The following TENM1 variants were observed in gnomAD, a reference collection of about 807,000 sequenced individuals.
TENM1 encodes teneurin transmembrane protein 1.
Under a neutral mutation model 174.8 loss-of-function variants are expected in TENM1, and 35 were observed. The observed-to-expected ratio is 0.20, with a 90% CI of 0.15 to 0.27. TENM1 has a LOEUF of 0.27. Ranked by LOEUF, TENM1 falls within the 10% of genes least tolerant of loss-of-function variation. The pLI is 1.00. For missense variants in TENM1, 1,633 were observed against 2,130.1 expected (o/e 0.77, Z 4.59); for synonymous variants, 781 against 798.7 (o/e 0.98, Z 0.37).
At chrX:124,629,322 T>C (rs918932074) in intron 11 of TENM1, among the ~76,000 whole-genome samples, 4 of 112,255 alleles carry the variant, frequency 3.6e-5, no homozygotes, top group Non-Finnish European at 7.5e-5. Flanking sequence ...ACAATACCAT[T>C]TGGATAGTGA....
intron 3 of TENM1, among the ~76,000 whole-genome samples, chrX:124,856,574 G>A (rs2056818934): frequency 2.7e-5 from 3 of 111,456 alleles, no homozygotes; most frequent in African/African-American, 9.7e-5. Context: ...AACTATACCA[G>A]TAATTATTCT....
chrX:124,577,850 C>T (rs909250666), intron 11 of TENM1, among the ~76,000 whole-genome samples: 5 of 111,779 alleles, frequency 4.5e-5, no homozygotes, highest in African/African-American at 9.8e-5. Context: ...GCTAAGCCAC[C>T]GGCACCTTTA....
At chrX:125,059,047 C>T in the TENM1 span, among the ~76,000 whole-genome samples, 1 of 109,859 alleles carries the variant, frequency 9.1e-6, no homozygotes. Context: ...CTTCTCCTTT[C>T]CTGCTCTCTT....
intron 1 of TENM1, among the ~76,000 whole-genome samples, chrX:124,922,007 A>T (rs767140381): frequency 5.9e-4 from 66 of 111,638 alleles, no homozygotes; most frequent in African/African-American, 2.1e-3. Context: ...TTCATTGCCC[A>T]TCATTGTTTC....
At chrX:124,965,925 A>G (rs113605645), upstream of TENM1, among the ~76,000 whole-genome samples, 836 of 110,533 alleles carry the variant, frequency 7.6e-3, 12 homozygotes, top group African/African-American at 0.026. Context: ...CTTAATTCCC[A>G]CCCCTTTCCA....
chrX:124,559,289 G>T (rs922104043), intron 14 of TENM1, among the ~76,000 whole-genome samples: 10 of 111,128 alleles, frequency 9.0e-5, no homozygotes, highest in Non-Finnish European at 1.9e-4. Context: ...TTATATCCAG[G>T]ACCTATCATT....
At chrX:124,931,871 GCACACACA>G (rs34069865) in intron 1 of TENM1, among the ~76,000 whole-genome samples, 2 of 102,069 alleles carry the variant, frequency 2.0e-5, no homozygotes, top group Admixed American at 1.1e-4. Flanking sequence ...CCAAGCGCAC[GCACACACA>G]CACACACACA....
intron 3 of TENM1, among the ~76,000 whole-genome samples, chrX:124,878,840 CAG>C (rs2057253936): frequency 9.0e-6 from 1 of 111,660 alleles, no homozygotes; most frequent in South Asian, 3.8e-4. Flanking sequence ...GGATGAGCTG[CAG>C]AGTGAAGGCT....
chrX:124,414,468 C>T (rs887922385), intron 25 of TENM1, among the ~76,000 whole-genome samples: 2 of 110,573 alleles, frequency 1.8e-5, no homozygotes, highest in East Asian at 5.7e-4. Flanking sequence ...GGGGTTATTA[C>T]AATTAGGAGC....
the TENM1 span, among the ~76,000 whole-genome samples, chrX:125,060,368 C>G: frequency 1.8e-5 from 2 of 110,320 alleles, no homozygotes; most frequent in Admixed American, 9.7e-5. Context: ...GTGTATGGGT[C>G]TACAGACAGA....
chrX:124,979,206 C>T, the TENM1 span, among the ~76,000 whole-genome samples: 9 of 112,689 alleles, frequency 8.0e-5, no homozygotes, highest in East Asian at 2.0e-3. Flanking sequence ...ACTTTTATTA[C>T]CCACAGTCCA....
intron 3 of TENM1, among the ~76,000 whole-genome samples, chrX:124,855,425 C>T (rs2056796906): frequency 9.0e-6 from 1 of 111,520 alleles, no homozygotes; most frequent in Non-Finnish European, 1.9e-5. Flanking sequence ...AAATTCTCCA[C>T]CCACGGCATT....
chrX:124,431,425 G>A (rs2060777917), intron 23 of TENM1, among the ~76,000 whole-genome samples: 1 of 111,989 alleles, frequency 8.9e-6, no homozygotes, highest in Non-Finnish European at 1.9e-5. Context: ...TATCTCTTCT[G>A]TAGTATGCCA....
chrX:124,851,065 C>T (rs954064193), intron 3 of TENM1, among the ~76,000 whole-genome samples: 11 of 111,962 alleles, frequency 9.8e-5, no homozygotes, highest in African/African-American at 3.6e-4. Flanking sequence ...ATTGCCTCTT[C>T]ACTTTATCAG....
intron 3 of TENM1, among the ~76,000 whole-genome samples, chrX:124,891,809 T>C (rs2057481059): frequency 8.9e-6 from 1 of 111,790 alleles, no homozygotes; most frequent in Non-Finnish European, 1.9e-5. Flanking sequence ...AGCACTTTTA[T>C]CCTTATGAGA....
chrX:125,088,642 A>AG, the TENM1 span, among the ~76,000 whole-genome samples: 4 of 110,411 alleles, frequency 3.6e-5, no homozygotes, highest in African/African-American at 1.3e-4. Context: ...TAGTGAAGAA[A>AG]GGGGGGGAAA....
At chrX:124,467,134 A>G (rs1189229119) in intron 22 of TENM1, among the ~76,000 whole-genome samples, 1 of 111,691 alleles carries the variant, frequency 9.0e-6, no homozygotes, top group Non-Finnish European at 1.9e-5. Flanking sequence ...ATGCAGTCTA[A>G]TAAGCTTTTT....
chrX:124,391,488 A>G (rs1194434564), intron 28 of TENM1, among the ~76,000 whole-genome samples: 1 of 111,404 alleles, frequency 9.0e-6, no homozygotes, highest in Non-Finnish European at 1.9e-5. Context: ...ATTCCCAGAC[A>G]CAGGCCACAA....
the TENM1 span, among the ~76,000 whole-genome samples, chrX:125,102,466 A>G: frequency 4.6e-4 from 51 of 111,714 alleles, no homozygotes; most frequent in African/African-American, 1.6e-3. Context: ...CAGCAGTAAA[A>G]GAATCTACAT....
Sources: allele counts gnomAD v4.1 joint callset (sites outside exome capture counted in the v4.1 genomes callset), GRCh38; gene constraint gnomAD v4.1.1; transcripts MANE v1.5; gene names NCBI Gene and HGNC (gene_info 2026-07-23, HGNC 2026-07-21).